CDH23: variants seen among roughly 807,000 people sequenced by gnomAD.
The protein encoded by CDH23 is cadherin-23.
A neutral mutation model predicts 317.1 loss-of-function variants in CDH23; 189 were observed. That is an observed-to-expected ratio of 0.60 (90% CI 0.53 to 0.67). The LOEUF (loss-of-function observed/expected upper bound fraction) is 0.67, where lower values mean the gene tolerates loss of function less well. Ranked by LOEUF, CDH23 falls within the 30% of genes least tolerant of loss-of-function variation. The probability of loss-of-function intolerance (pLI) is 0.00; values close to 1 mark genes in which losing one functional copy is unlikely to be tolerated. For synonymous variants in CDH23, 1,839 were observed against 1,876.8 expected (o/e 0.98, Z 0.52); for missense variants, 4,401 against 4,592.4 (o/e 0.96, Z 1.20).
intron 6 of CDH23, among the ~76,000 whole-genome samples, chr10:71,565,603 C>T (rs1452737882): frequency 6.6e-6 from 1 of 152,146 alleles, no homozygotes; most frequent in Admixed American, 6.5e-5. Context: ...TTGACACCTC[C>T]CTGCCCCACC....
chr10:71,514,251 C>A (rs1160610009), intron 6 of CDH23, among the ~76,000 whole-genome samples: 1 of 152,194 alleles, frequency 6.6e-6, no homozygotes, highest in African/African-American at 2.4e-5. Flanking sequence ...TATTCCCAAC[C>A]TCTGCAATTG....
In CDH23 at chr10:71,738,491, C is replaced by T. The variant is rs79271090; in HGVS notation, c.4210-7C>T. ...GGCTGTAGGTCTCTGACCACGTTCA[C>T]CCTCAGGTCTACATCACTGTGCTGG... On this transcript the variant is annotated splice_polypyrimidine_tract_variant and splice_region_variant and intron_variant, in intron 34 of 69. Coordinates refer to ENST00000224721, the MANE Select transcript of CDH23 (RefSeq NM_022124.6). The T allele has an allele frequency of 3.2e-3, 5,201 of 1,613,938 alleles. 110 individuals carry two copies. In the African/African-American group the frequency reaches 0.051, roughly 16 times the overall value.
At chr10:71,527,840 C>T (rs1855129032) in intron 6 of CDH23, among the ~76,000 whole-genome samples, 1 of 152,140 alleles carries the variant, frequency 6.6e-6, no homozygotes, top group African/African-American at 2.4e-5. Flanking sequence ...TGCAGGGGAC[C>T]CTTGCATGTC....
intron 6 of CDH23, among the ~76,000 whole-genome samples, chr10:71,525,895 T>C (rs1449211403): frequency 6.6e-6 from 1 of 152,172 alleles, no homozygotes; most frequent in Admixed American, 6.5e-5. Context: ...CCTCATTCAT[T>C]CATTCATCTA....
At chr10:71,598,467 T>C (rs1860004262) in intron 9 of CDH23, among the ~76,000 whole-genome samples, 1 of 151,992 alleles carries the variant, frequency 6.6e-6, no homozygotes, top group Admixed American at 6.5e-5. Flanking sequence ...ATGCCCAGAG[T>C]TTGGAGTGGG....
rs977083222 is a variant in CDH23 at position 71,793,268 on chromosome 10, G to A, written c.6340G>A (p.Asp2114Asn). 1 of 1,613,846 alleles carries A rather than the reference G, an allele frequency of 6.2e-7. No homozygotes were observed. The highest frequency in any genetic ancestry group is 1.3e-5 in the African/African-American group (1 of 74,926). ...CTACCGAATAGAAGCTGGGGCTCAG[G>A]ACCGCTTCCTCATTCATCTGGTCAC... ...LVYRIEAGAQ[D>N]RFLIHLVTGV... is the part of the protein sequence containing the mutation. The change falls in exon 48 of 70, where the codon GAC (aspartate) becomes AAC (asparagine). Residue 2114 changes from aspartate (D) to asparagine (N), a missense_variant. Asp to Asn is a conservative substitution (Grantham distance 23). Around this residue, in one of 3 missense-constraint regions of CDH23, gnomAD observed 3,068 missense variants for 3,203.3 expected, o/e 0.96. Coordinates refer to ENST00000224721, the MANE Select transcript of CDH23 (RefSeq NM_022124.6).
At chr10:71,761,704 G>T in intron 38 of CDH23, 1 of 1,614,084 alleles carries the variant, frequency 6.2e-7, no homozygotes, top group African/African-American at 1.3e-5. Flanking sequence ...GCAGGGTCAG[G>T]TTGCGCATGG....
intron 19 of CDH23, among the ~76,000 whole-genome samples, chr10:71,688,413 G>T (rs1329639356): frequency 1.3e-5 from 2 of 152,262 alleles, no homozygotes; most frequent in Non-Finnish European, 2.9e-5. Context: ...CAGGGACATT[G>T]GAGTTAGAGA....
intron 6 of CDH23, among the ~76,000 whole-genome samples, chr10:71,526,295 G>A (rs1412958486): frequency 6.6e-6 from 1 of 152,194 alleles, no homozygotes; most frequent in Admixed American, 6.5e-5. Context: ...CCCTACACTT[G>A]CCCCCACTGC....
chr10:71,532,727 G>GTTTTT (rs200038577), intron 6 of CDH23, among the ~76,000 whole-genome samples: 259 of 93,856 alleles, frequency 2.8e-3, no homozygotes, highest in Non-Finnish European at 4.9e-3. Flanking sequence ...TTTTTTTTTT[G>GTTTTT]TTTTTTTTTT....
chr10:71,398,471 G>GTGTGTGTGTC (rs1847632182), intron 1 of CDH23, among the ~76,000 whole-genome samples: 1 of 144,252 alleles, frequency 6.9e-6, no homozygotes, highest in Non-Finnish European at 1.5e-5. Context: ...GTGTGTGTGT[G>GTGTGTGTGTC]TGTGTTGGGT....
At chr10:71,682,670 T>C in intron 18 of CDH23, 98 bp downstream of exon 18, 1 of 1,455,224 alleles carries the variant, frequency 6.9e-7, no homozygotes, top group Admixed American at 2.0e-5. Flanking sequence ...CCCACCTCCT[T>C]GGCTGTCCCT....
At chr10:71,481,696 G>A (rs1382348807) in intron 3 of CDH23, among the ~76,000 whole-genome samples, 9 of 152,220 alleles carry the variant, frequency 5.9e-5, no homozygotes, top group Non-Finnish European at 1.0e-4. Context: ...GCAAATGGGA[G>A]CAAAGGACTT....
At chr10:71,803,485 G>A (rs1841619187) in intron 55 of CDH23, 65 bp downstream of exon 55, 1 of 1,414,122 alleles carries the variant, frequency 7.1e-7, no homozygotes, top group South Asian at 1.2e-5. Context: ...GCCTAGAAGA[G>A]TGGAAGCACC....
chr10:71,443,135 C>G (rs1849977722), intron 2 of CDH23, among the ~76,000 whole-genome samples: 1 of 152,204 alleles, frequency 6.6e-6, no homozygotes, highest in Admixed American at 6.5e-5. Context: ...AGCAGAGCCA[C>G]TGCACCTTCA....
At chr10:71,585,753 T>G (rs1225273869) in intron 9 of CDH23, among the ~76,000 whole-genome samples, 1 of 152,216 alleles carries the variant, frequency 6.6e-6, no homozygotes, top group African/African-American at 2.4e-5. Flanking sequence ...CGGCCTCTCC[T>G]GATGCTCTCA....
chr10:71,494,695 C>T (rs1436389314), intron 3 of CDH23, among the ~76,000 whole-genome samples: 2 of 152,234 alleles, frequency 1.3e-5, no homozygotes, highest in Non-Finnish European at 1.5e-5. Context: ...AGGAGACATT[C>T]TCAGACTTGT....
At chr10:71,790,779 C>T (rs1307580670) in intron 46 of CDH23, 8 of 459,100 alleles carry the variant, frequency 1.7e-5, no homozygotes, top group Admixed American at 3.4e-5. Context: ...ATGCCACATC[C>T]GTCTGGTCCT....
chr10:71,524,834 C>G (rs543707482), intron 6 of CDH23, among the ~76,000 whole-genome samples: 1 of 152,192 alleles, frequency 6.6e-6, no homozygotes, highest in East Asian at 1.9e-4. Context: ...CCTCTAGAAA[C>G]TGAAAAAGGG....
Sources: allele counts gnomAD v4.1 joint callset (sites outside exome capture counted in the v4.1 genomes callset), GRCh38; gene constraint gnomAD v4.1.1; regional missense constraint gnomAD v4.1.1; transcripts MANE v1.5; gene names NCBI Gene and HGNC (gene_info 2026-07-23, HGNC 2026-07-21).